The following TMEM156 variants were observed in gnomAD, a reference collection of about 807,000 sequenced individuals.
TMEM156 encodes transmembrane protein 156.
In TMEM156, 28 loss-of-function variants were observed where a neutral mutation model predicts 30.5. That is an observed-to-expected ratio of 0.92 (90% CI 0.68 to 1.26). The LOEUF (loss-of-function observed/expected upper bound fraction) is 1.26, where lower values mean the gene tolerates loss of function less well. Ranked by LOEUF, TMEM156 falls within the 50% of genes most tolerant of loss-of-function variation. TMEM156 has a pLI of 0.00. For missense variants in TMEM156, 351 were observed against 340.6 expected, an observed-to-expected ratio of 1.03 and a Z score of -0.24; for synonymous variants, 137 against 119.9, an observed-to-expected ratio of 1.14 and a Z score of -0.93.
intron 1 of TMEM156, among the ~76,000 whole-genome samples, chr4:39,030,982 G>A (rs879886769): frequency 2.0e-5 from 3 of 152,080 alleles, no homozygotes; most frequent in Non-Finnish European, 2.9e-5. Context: ...TTTTTAACTC[G>A]CTACTTAGCA....
rs1046496546 is a variant in TMEM156, at chr4:38,992,865, G to A, written c.619+873C>T. ...TAACCTCCGCCTCCCGGATTCAAGC[G>A]ATTCTCCTGCCTCAGCCTCACAAGT... On this transcript the variant is annotated intron_variant, in intron 3 of 6. Transcript: ENST00000381938. 6.0e-5 allele frequency among the ~76,000 whole-genome samples: 9 copies of A among 149,622 alleles called. 1 individual carries two copies. The highest frequency in any genetic ancestry group is 4.0e-4 in the East Asian group (2 of 5,060).
At chr4:38,971,241 C>A in intron 5 of TMEM156, 104 bp from the exon 6 acceptor site, 1 of 1,084,096 alleles carries the variant, frequency 9.2e-7, no homozygotes, top group Non-Finnish European at 1.4e-6. Context: ...TGCTCTACCT[C>A]TAGAAAGGAT....
At chr4:39,020,532 T>A (rs375517760) in intron 1 of TMEM156, among the ~76,000 whole-genome samples, 1 of 151,800 alleles carries the variant, frequency 6.6e-6, no homozygotes, top group Non-Finnish European at 1.5e-5. Flanking sequence ...CATTGTGCCT[T>A]ATTAGTAGTT....
chr4:39,003,166 A>G (rs984060683), intron 1 of TMEM156, among the ~76,000 whole-genome samples: 1 of 152,104 alleles, frequency 6.6e-6, no homozygotes, highest in African/African-American at 2.4e-5. Flanking sequence ...TTTTGATAGT[A>G]ATTCCATAAG....
intron 5 of TMEM156, among the ~76,000 whole-genome samples, chr4:38,973,835 A>C (rs1722720792): frequency 6.6e-6 from 1 of 152,110 alleles, no homozygotes; most frequent in Non-Finnish European, 1.5e-5. Flanking sequence ...TGTTTGTTTG[A>C]GAGAAATATA....
At chr4:38,998,567 T>G in intron 2 of TMEM156, 73 bp downstream of exon 2, 1 of 1,338,180 alleles carries the variant, frequency 7.5e-7, no homozygotes, top group Non-Finnish European at 9.9e-7. Flanking sequence ...GAATATATTA[T>G]TAATACGTTT....
At chr4:38,997,668 CAAT>C (rs1471077857) in intron 2 of TMEM156, among the ~76,000 whole-genome samples, 1 of 152,124 alleles carries the variant, frequency 6.6e-6, no homozygotes, top group Non-Finnish European at 1.5e-5. Flanking sequence ...TTTAATTTCT[CAAT>C]GATCCATTTT....
intron 5 of TMEM156, 90 bp downstream of exon 5, chr4:38,986,246 A>G: frequency 1.1e-6 from 1 of 888,402 alleles, no homozygotes; most frequent in African/African-American, 1.6e-5. Flanking sequence ...ACATAAGCTC[A>G]GATCTCAGAT....
intron 1 of TMEM156, among the ~76,000 whole-genome samples, chr4:39,001,473 T>C (rs954801845): frequency 1.3e-5 from 2 of 150,750 alleles, no homozygotes; most frequent in Admixed American, 1.3e-4. Context: ...TCTCATATAA[T>C]CATTTGGGGC....
chr4:39,018,790 G>A (rs1023375424), intron 1 of TMEM156, among the ~76,000 whole-genome samples: 6 of 152,106 alleles, frequency 3.9e-5, no homozygotes, highest in Admixed American at 2.6e-4. Flanking sequence ...GGAGGCCAAG[G>A]TGGGCAGATC....
intron 5 of TMEM156, among the ~76,000 whole-genome samples, chr4:38,981,207 C>T (rs908265546): frequency 1.3e-5 from 2 of 152,192 alleles, no homozygotes; most frequent in South Asian, 2.1e-4. Flanking sequence ...TTGAAACCTG[C>T]TTAGTATTTA....
At chr4:38,972,291 T>C (rs542221956) in intron 5 of TMEM156, among the ~76,000 whole-genome samples, 14 of 122,582 alleles carry the variant, frequency 1.1e-4, no homozygotes, top group African/African-American at 4.4e-4. Flanking sequence ...TCTCACTCTG[T>C]CGCCCAGGCT....
intron 1 of TMEM156, among the ~76,000 whole-genome samples, chr4:39,001,217 A>AAG (rs1458436402): frequency 6.8e-6 from 1 of 147,664 alleles, no homozygotes; most frequent in African/African-American, 2.5e-5. Context: ...AAAAATACAA[A>AAG]AAAAAAAAAA....
At chr4:39,013,841 G>T (rs984626717) in intron 1 of TMEM156, among the ~76,000 whole-genome samples, 1 of 152,050 alleles carries the variant, frequency 6.6e-6, no homozygotes, top group Non-Finnish European at 1.5e-5. Context: ...TCATCCAAAG[G>T]TTTAAATACT....
chr4:39,026,535 ATT>A (rs1005846964), intron 1 of TMEM156, among the ~76,000 whole-genome samples: 11 of 152,216 alleles, frequency 7.2e-5, no homozygotes, highest in African/African-American at 2.6e-4. Flanking sequence ...TATTTAACAC[ATT>A]TTTTTGCCAA....
chr4:39,005,051 C>T (rs1016164408), intron 1 of TMEM156, among the ~76,000 whole-genome samples: 1 of 152,030 alleles, frequency 6.6e-6, no homozygotes, highest in Non-Finnish European at 1.5e-5. Flanking sequence ...CACTCAGCCA[C>T]AAAAAGGAAC....
chr4:38,982,581 G>A (rs1056587159), intron 5 of TMEM156, among the ~76,000 whole-genome samples: 1 of 152,030 alleles, frequency 6.6e-6, no homozygotes, highest in African/African-American at 2.4e-5. Context: ...CATTTCCCTT[G>A]AGGGTTTGCG....
intron 5 of TMEM156, among the ~76,000 whole-genome samples, chr4:38,979,766 T>C (rs754972513): frequency 6.6e-6 from 1 of 152,246 alleles, no homozygotes; most frequent in Non-Finnish European, 1.5e-5. Context: ...GGAATTCAAG[T>C]TAGTCTTCAT....
At position 39,014,757 on chromosome 4, in the gene TMEM156, C is replaced by CA. The variant is rs34040774; in HGVS notation, c.89-15849dup. ...TGGGCAGCAAAGTGAGACTCCATCTCAAAAAAAAAAAAAAAAAATCAGCAA... is the reference window on the plus strand; with the variant it reads ...TGGGCAGCAAAGTGAGACTCCATCTCAAAAAAAAAAAAAAAAAAATCAGCAA... On this transcript the variant is annotated intron_variant, in intron 1 of 6. Transcript: ENST00000381938. Among the ~76,000 whole-genome samples the CA allele has an allele frequency of 5.2e-3, 656 of 125,284 alleles. 6 individuals are homozygous for CA. Among genetic ancestry groups the CA allele is most frequent in the African/African-American group, 0.017 (563 of 33,010 alleles). 82.2% of individuals were successfully genotyped at this position (125,284 alleles called of 152,430 possible). A position where few individuals can be genotyped will look rare whatever the true frequency, so the allele number is the denominator to read the frequency against.
Sources: gnomAD v4.1 joint callset for allele counts (sites outside exome capture counted in the v4.1 genomes callset) on GRCh38, gnomAD v4.1.1 for gene constraint, MANE v1.5 for transcripts, NCBI Gene and HGNC (gene_info 2026-07-23, HGNC 2026-07-21) for gene names.